The following GRID2 variants were observed in gnomAD, a reference collection of about 807,000 sequenced individuals.
The protein encoded by GRID2 is glutamate ionotropic receptor delta type subunit 2, also known as glutamate receptor ionotropic, delta-2.
GRID2 carries 33 observed loss-of-function variants against 114.8 expected under a neutral mutation model. The ratio of observed to expected loss-of-function variants is 0.29; its 90% CI spans 0.22 to 0.38. The LOEUF (loss-of-function observed/expected upper bound fraction) is 0.38. GRID2 is among the 10% of genes least tolerant of loss of function. The pLI is 1.00. For synonymous variants in GRID2, 505 were observed against 449.9 expected (o/e 1.12, Z -1.55); for missense variants, 1,184 against 1,257.7 (o/e 0.94, Z 0.89).
chr4:93,754,156 G>T (rs1732558245), intron 14 of GRID2, among the ~76,000 whole-genome samples: 1 of 152,038 alleles, frequency 6.6e-6, no homozygotes, highest in Non-Finnish European at 1.5e-5. Flanking sequence ...GTAAAAAGAT[G>T]GTGTTATAAT....
chr4:93,393,795 T>TACACAA (rs1765076591), intron 8 of GRID2, among the ~76,000 whole-genome samples: 1 of 152,034 alleles, frequency 6.6e-6, no homozygotes, highest in African/African-American at 2.4e-5. Flanking sequence ...AAGTTGGTGC[T>TACACAA]AATAGATGTC....
intron 2 of GRID2, among the ~76,000 whole-genome samples, chr4:92,867,263 G>GAGCAGTTTATT (rs1200213489): frequency 3.0e-4 from 45 of 151,850 alleles, no homozygotes; most frequent in African/African-American, 1.1e-3. Flanking sequence ...AGTGGTAGTT[G>GAGCAGTTTATT]AGCAGTTTAT....
chr4:92,602,696 C>T (rs1729274263), intron 2 of GRID2, among the ~76,000 whole-genome samples: 1 of 152,166 alleles, frequency 6.6e-6, no homozygotes, highest in Non-Finnish European at 1.5e-5. Context: ...GTTGGAAGTT[C>T]TGGCCAGGGT....
chr4:93,268,017 G>A (rs967868400), intron 8 of GRID2, among the ~76,000 whole-genome samples: 2 of 152,116 alleles, frequency 1.3e-5, no homozygotes, highest in African/African-American at 4.8e-5. Flanking sequence ...AATGTGTATT[G>A]CAGAGACACT....
intron 4 of GRID2, among the ~76,000 whole-genome samples, chr4:93,152,494 A>G (rs1736823194): frequency 6.6e-6 from 1 of 152,168 alleles, no homozygotes; most frequent in Admixed American, 6.6e-5. Context: ...AAATCAAAGA[A>G]GTACAAAATA....
chr4:92,366,601 A>G (rs1327677242), intron 1 of GRID2, among the ~76,000 whole-genome samples: 6 of 151,964 alleles, frequency 3.9e-5, no homozygotes, highest in Non-Finnish European at 8.8e-5. Flanking sequence ...TGGCATTATT[A>G]TTATCTAGAA....
chr4:92,858,578 G>A (rs1388765715), intron 2 of GRID2, among the ~76,000 whole-genome samples: 2 of 152,054 alleles, frequency 1.3e-5, no homozygotes, highest in African/African-American at 4.8e-5. Flanking sequence ...TTTCTTTTGA[G>A]ACGGAGTCTC....
chr4:93,449,374 A>G (rs1722466087), intron 10 of GRID2, among the ~76,000 whole-genome samples: 1 of 152,112 alleles, frequency 6.6e-6, no homozygotes, highest in Non-Finnish European at 1.5e-5. Context: ...CATGAAAAAC[A>G]GAGGTGATAT....
At chr4:92,976,923 C>T (rs547119871) in intron 2 of GRID2, among the ~76,000 whole-genome samples, 43 of 152,254 alleles carry the variant, frequency 2.8e-4, no homozygotes, top group African/African-American at 9.9e-4. Context: ...ACGACACTTA[C>T]TTTACTCATG....
In GRID2 at chr4:93,304,396, C is replaced by G. The variant is rs373537696; in HGVS notation, c.1245+65906C>G. On this transcript the variant is annotated intron_variant, in intron 8 of 15. Transcript: ENST00000282020. ...AACACTAGTCAAACAGACAAGACAA[C>G]ACCACAAATATAGGATTTTTACTAG... 1.7e-4 allele frequency among the ~76,000 whole-genome samples: 26 copies of G among 151,756 alleles called. No homozygotes were observed. In the East Asian group the frequency reaches 4.8e-3, roughly 28 times the overall value.
At position 92,583,721 on chromosome 4, in the gene GRID2, G is replaced by A. The variant is rs141182302; in HGVS notation, c.89-6410G>A. On this transcript the variant is annotated intron_variant, in intron 1 of 15. Transcript: ENST00000282020. ...ACATATAATTTATATATAAACACAC[G>A]CACAAATAAGCACATTTATTACATA... Among the ~76,000 whole-genome samples the A allele has an allele frequency of 3.8e-3, 557 of 146,582 alleles. 4 individuals are homozygous for A. The highest frequency in any genetic ancestry group is 0.013 in the African/African-American group (523 of 39,884).
intron 8 of GRID2, among the ~76,000 whole-genome samples, chr4:93,256,353 A>C (rs1490338708): frequency 6.6e-6 from 1 of 151,928 alleles, no homozygotes; most frequent in Non-Finnish European, 1.5e-5. Flanking sequence ...TGGACGAAGT[A>C]TTTTCAAAAT....
chr4:93,576,237 T>C (rs1038963027), intron 13 of GRID2, among the ~76,000 whole-genome samples: 2 of 152,196 alleles, frequency 1.3e-5, no homozygotes, highest in Admixed American at 6.5e-5. Context: ...GGAATGTTTC[T>C]GGCAGCATCA....
intron 2 of GRID2, among the ~76,000 whole-genome samples, chr4:92,599,288 A>AG (rs2149217795): frequency 6.6e-6 from 1 of 152,242 alleles, no homozygotes; most frequent in Admixed American, 6.5e-5. Context: ...GGTGAAGTAA[A>AG]TAAGGCGCTG....
intron 14 of GRID2, among the ~76,000 whole-genome samples, chr4:93,667,349 A>C (rs954375420): frequency 3.3e-5 from 5 of 151,792 alleles, no homozygotes; most frequent in Admixed American, 3.3e-4. Context: ...AACCAAGTAC[A>C]TCCAGGTATC....
intron 2 of GRID2, among the ~76,000 whole-genome samples, chr4:92,715,899 C>T (rs1735520302): frequency 6.6e-6 from 1 of 152,120 alleles, no homozygotes; most frequent in South Asian, 2.1e-4. Context: ...TTGACTTTTA[C>T]TGATATGGAG....
chr4:93,703,913 G>T (rs1461414237), intron 14 of GRID2, among the ~76,000 whole-genome samples: 2 of 152,000 alleles, frequency 1.3e-5, no homozygotes, highest in African/African-American at 2.4e-5. Context: ...CATTTGGCTT[G>T]GTTCCAAGTC....
intron 2 of GRID2, among the ~76,000 whole-genome samples, chr4:92,737,524 T>C (rs1431283250): frequency 6.6e-6 from 1 of 152,138 alleles, no homozygotes; most frequent in East Asian, 1.9e-4. Context: ...CATTTAGTTC[T>C]CCTTCATAAG....
chr4:93,403,704 A>G (rs527979495), intron 9 of GRID2, among the ~76,000 whole-genome samples: 3 of 152,258 alleles, frequency 2.0e-5, no homozygotes, highest in Admixed American at 1.3e-4. Context: ...TAGGATGGCT[A>G]TATTCAAAAT....
Sources: gnomAD v4.1 joint callset for allele counts (sites outside exome capture counted in the v4.1 genomes callset) on GRCh38, gnomAD v4.1.1 for gene constraint, MANE v1.5 for transcripts, NCBI Gene and HGNC (gene_info 2026-07-23, HGNC 2026-07-21) for gene names.